FAR2: variants seen among roughly 807,000 people sequenced by gnomAD.
The protein encoded by FAR2 is fatty acyl-CoA reductase 2.
A neutral mutation model predicts 56.0 loss-of-function variants in FAR2; 19 were observed. The observed-to-expected ratio is 0.34, with a 90% CI of 0.24 to 0.50. The LOEUF is 0.50. Among genes scored for constraint, FAR2 ranks in the 20% least tolerant of loss-of-function variants. The pLI, the probability that FAR2 is intolerant of heterozygous loss-of-function variation, is 0.98. For synonymous variants in FAR2, 219 were observed against 218.8 expected (o/e 1.00, Z -0.01); for missense variants, 508 against 642.2 (o/e 0.79, Z 2.26).
Position 29,333,894 on chromosome 12 carries a change from A to C in FAR2, c.*100A>C. ...AGAAAGTAACAAGGAATATGCCCAA[A>C]CTGTCAAATGTCACCTGTTATGTAT... On this transcript the variant is annotated 3_prime_UTR_variant, in exon 12 of 12. Transcript: ENST00000536681. 9.0e-7 allele frequency: 1 copy of C among 1,109,028 alleles called. No homozygotes were observed. The highest frequency in any genetic ancestry group is 2.4e-5 in the East Asian group (1 of 41,798). 68.7% of individuals were successfully genotyped at this position (1,109,028 alleles called of 1,614,324 possible).
Position 29,334,925 on chromosome 12 carries a change from A to C in FAR2, c.*1131A>C, listed in dbSNP as rs970856990. ...TTTGTGTATAATACAAACTAATGAA[A>C]ACTATACATATTCTCCAATTCCTAT... is the stretch of plus-strand genomic sequence containing the variant. On this transcript the variant is annotated 3_prime_UTR_variant, in exon 12 of 12. Coordinates refer to ENST00000536681, the MANE Select transcript of FAR2 (RefSeq NM_001271783.2). 6.6e-6 allele frequency: 1 copy of C among 152,144 alleles called. No homozygotes were observed. Among genetic ancestry groups the C allele is most frequent in the Non-Finnish European group, 1.5e-5 (1 of 68,002 alleles). 9.4% of individuals were successfully genotyped at this position (152,144 alleles called of 1,614,324 possible).
At chr12:29,263,162 T>G (rs1948452667) in intron 1 of FAR2, among the ~76,000 whole-genome samples, 1 of 152,170 alleles carries the variant, frequency 6.6e-6, no homozygotes, top group Non-Finnish European at 1.5e-5. Context: ...CAAATATTAT[T>G]AGAGCTAAAG....
At chr12:29,300,879 A>C (rs1021894730) in intron 4 of FAR2, among the ~76,000 whole-genome samples, 2 of 152,220 alleles carry the variant, frequency 1.3e-5, no homozygotes, top group African/African-American at 4.8e-5. Flanking sequence ...GAAATAAAGA[A>C]GGATATGCAT....
At chr12:29,333,072 C>T (rs911323995) in intron 11 of FAR2, 1 of 360,592 alleles carries the variant, frequency 2.8e-6, no homozygotes, top group Non-Finnish European at 5.4e-6. Context: ...AAATACCCAA[C>T]AGGCAGGAGA....
At chr12:29,296,709 G>A (rs1182396044) in intron 3 of FAR2, among the ~76,000 whole-genome samples, 1 of 152,014 alleles carries the variant, frequency 6.6e-6, no homozygotes, top group Non-Finnish European at 1.5e-5. Context: ...TCTTTTAATG[G>A]CTGCCTATAG....
chr12:29,176,910 A>G (rs1949944445), intron 1 of FAR2, among the ~76,000 whole-genome samples: 1 of 152,230 alleles, frequency 6.6e-6, no homozygotes, highest in African/African-American at 2.4e-5. Context: ...TTGGTTGTGG[A>G]GAAGGCAGAA....
chr12:29,208,022 C>T (rs188463228), intron 1 of FAR2, among the ~76,000 whole-genome samples: 94 of 152,226 alleles, frequency 6.2e-4, no homozygotes, highest in African/African-American at 2.0e-3. Context: ...GTCAACAGAC[C>T]GAGATCCCCA....
chr12:29,271,854 T>G (rs2136709086), intron 2 of FAR2, among the ~76,000 whole-genome samples: 1 of 152,314 alleles, frequency 6.6e-6, no homozygotes, highest in Middle Eastern at 3.4e-3. Flanking sequence ...ACTATTCTCA[T>G]TTTATAGATG....
chr12:29,317,481 A>T (rs1479750466), intron 9 of FAR2, among the ~76,000 whole-genome samples: 2 of 152,220 alleles, frequency 1.3e-5, no homozygotes, highest in Non-Finnish European at 2.9e-5. Flanking sequence ...ATTTCACATA[A>T]AGGATACTCG....
chr12:29,230,998 G>A (rs1947849420), intron 1 of FAR2, among the ~76,000 whole-genome samples: 1 of 152,164 alleles, frequency 6.6e-6, no homozygotes, highest in African/African-American at 2.4e-5. Flanking sequence ...TGTCCAATGT[G>A]CTGAAGAGAC....
chr12:29,293,554 G>A (rs1591937389), intron 3 of FAR2, 79 bp downstream of exon 3: 3 of 1,026,166 alleles, frequency 2.9e-6, no homozygotes, highest in Non-Finnish European at 3.9e-6. Context: ...TAAAAAAAAA[G>A]AAATACACTC....
At chr12:29,299,811 C>T (rs1249269411) in intron 4 of FAR2, among the ~76,000 whole-genome samples, 1 of 152,174 alleles carries the variant, frequency 6.6e-6, no homozygotes, top group Non-Finnish European at 1.5e-5. Context: ...CTCTGTTTGT[C>T]CCTAGAGCTT....
At chr12:29,328,030 T>C (rs1391374335) in intron 10 of FAR2, among the ~76,000 whole-genome samples, 1 of 152,028 alleles carries the variant, frequency 6.6e-6, no homozygotes, top group Non-Finnish European at 1.5e-5. Context: ...ATATCCAGAA[T>C]CTACAATGAA....
chr12:29,269,681 G>A (rs954000102), intron 1 of FAR2, among the ~76,000 whole-genome samples: 3 of 152,202 alleles, frequency 2.0e-5, no homozygotes, highest in African/African-American at 7.2e-5. Flanking sequence ...ACTAATAAAT[G>A]TCTATGAAAT....
intron 1 of FAR2, among the ~76,000 whole-genome samples, chr12:29,162,954 AAC>A (rs1949795127): frequency 6.6e-6 from 1 of 152,260 alleles, no homozygotes; most frequent in Non-Finnish European, 1.5e-5. Context: ...AGAAGAGTAA[AAC>A]ACAGTCATTG....
intron 8 of FAR2, among the ~76,000 whole-genome samples, chr12:29,315,957 AACC>A (rs1346888454): frequency 0.03 from 4,571 of 152,302 alleles, 224 homozygotes; most frequent in African/African-American, 0.1. Context: ...ACGCTATCAG[AACC>A]AAATGTTTTA....
chr12:29,286,044 C>T (rs1176537766), intron 2 of FAR2, among the ~76,000 whole-genome samples: 4 of 140,166 alleles, frequency 2.9e-5, no homozygotes, highest in Admixed American at 1.5e-4. Context: ...GAAACGTTGG[C>T]ATGACCCAAC....
intron 1 of FAR2, among the ~76,000 whole-genome samples, chr12:29,158,359 A>C (rs1166522663): frequency 6.6e-6 from 1 of 152,218 alleles, no homozygotes; most frequent in Non-Finnish European, 1.5e-5. Flanking sequence ...TTTTCTGGGG[A>C]TTGAGATCCA....
At chr12:29,295,744 ATTTTTTACGTAATTT>A (rs1565510236) in intron 3 of FAR2, among the ~76,000 whole-genome samples, 1 of 126,494 alleles carries the variant, frequency 7.9e-6, no homozygotes, top group African/African-American at 3.0e-5. Flanking sequence ...GCAGCTAGTG[ATTTTTTACGTAATTT>A]TTTTTTTTTT....
Sources: allele counts gnomAD v4.1 joint callset (sites outside exome capture counted in the v4.1 genomes callset), GRCh38; gene constraint gnomAD v4.1.1; transcripts MANE v1.5; gene names NCBI Gene and HGNC (gene_info 2026-07-23, HGNC 2026-07-21).